Variants in CACHD1 observed in about 807,000 individuals in gnomAD.
CACHD1 encodes VWFA and cache domain-containing protein 1.
CACHD1 carries 71 observed loss-of-function variants against 138.7 expected under a neutral mutation model. The observed-to-expected ratio is 0.51, with a 90% CI of 0.42 to 0.62. CACHD1 has a LOEUF of 0.62. Among genes scored for constraint, CACHD1 ranks in the 20% least tolerant of loss-of-function variants. The pLI is 0.00. For synonymous variants in CACHD1, 578 were observed against 591.5 expected, an observed-to-expected ratio of 0.98 and a Z score of 0.33; for missense variants, 1,389 against 1,625.3, an observed-to-expected ratio of 0.85 and a Z score of 2.50.
intron 2 of CACHD1, among the ~76,000 whole-genome samples, chr1:64,576,996 T>G (rs951904533): frequency 6.6e-6 from 1 of 151,370 alleles, no homozygotes; most frequent in African/African-American, 2.4e-5. Context: ...TAGGGTGGAG[T>G]GCAGTGGCAC....
At chr1:64,553,202 C>T (rs1025821853) in intron 2 of CACHD1, among the ~76,000 whole-genome samples, 3 of 152,166 alleles carry the variant, frequency 2.0e-5, no homozygotes, top group Admixed American at 6.5e-5. Flanking sequence ...CTCATATTTA[C>T]GCATTTATTG....
intron 4 of CACHD1, among the ~76,000 whole-genome samples, chr1:64,622,883 A>T (rs1647966095): frequency 6.6e-6 from 1 of 152,212 alleles, no homozygotes; most frequent in Non-Finnish European, 1.5e-5. Context: ...AATAAACTTC[A>T]CATGTTTAAC....
intron 26 of CACHD1, among the ~76,000 whole-genome samples, chr1:64,690,153 C>T (rs192467801): frequency 1.4e-3 from 214 of 152,318 alleles, no homozygotes; most frequent in African/African-American, 4.9e-3. Flanking sequence ...ATATGTCTTC[C>T]AGTGCCCAAC....
intron 1 of CACHD1, among the ~76,000 whole-genome samples, chr1:64,497,133 G>A (rs935702818): frequency 6.6e-6 from 1 of 152,130 alleles, no homozygotes; most frequent in Admixed American, 6.5e-5. Flanking sequence ...AAAAGAGTGA[G>A]AAAGAGACAT....
intron 1 of CACHD1, among the ~76,000 whole-genome samples, chr1:64,546,438 G>A: frequency 6.6e-6 from 1 of 151,742 alleles, no homozygotes; most frequent in East Asian, 1.9e-4. Flanking sequence ...GGGCTCAAGT[G>A]ATCCTCCCAC....
intron 3 of CACHD1, among the ~76,000 whole-genome samples, chr1:64,590,068 G>A (rs1324407227): frequency 6.6e-6 from 1 of 152,138 alleles, no homozygotes; most frequent in East Asian, 1.9e-4. Flanking sequence ...AACACTTTGG[G>A]AGGCTGAGGT....
chr1:64,543,514 T>G (rs1288995355), intron 1 of CACHD1, among the ~76,000 whole-genome samples: 2 of 151,368 alleles, frequency 1.3e-5, no homozygotes, highest in African/African-American at 2.4e-5. Context: ...AATTCAAAGC[T>G]GCAGTGAGCT....
At chr1:64,471,022 C>A in intron 1 of CACHD1, 80 bp downstream of exon 1, 1 of 1,396,158 alleles carries the variant, frequency 7.2e-7, no homozygotes. Context: ...TACAAGTCCC[C>A]TGGACTGTGT....
chr1:64,643,687 A>G (rs1051161162), intron 8 of CACHD1, among the ~76,000 whole-genome samples: 1 of 152,130 alleles, frequency 6.6e-6, no homozygotes, highest in Non-Finnish European at 1.5e-5. Context: ...ATACAAAAAA[A>G]ATTAGCCAGG....
At chr1:64,498,226 T>G (rs1646316758) in intron 1 of CACHD1, among the ~76,000 whole-genome samples, 1 of 152,120 alleles carries the variant, frequency 6.6e-6, no homozygotes, top group Non-Finnish European at 1.5e-5. Context: ...AGAGAAGGCA[T>G]AGGGGACTCA....
intron 1 of CACHD1, among the ~76,000 whole-genome samples, chr1:64,484,291 G>A (rs537924412): frequency 6.6e-6 from 1 of 152,106 alleles, no homozygotes; most frequent in Non-Finnish European, 1.5e-5. Context: ...TTGGCAGAAG[G>A]AGGAGGAGCC....
rs371217866 is a variant in CACHD1 at position 64,663,904 on chromosome 1, G to A, written c.2094+67G>A. 8.6e-4 allele frequency: 1,377 copies of A among 1,597,368 alleles called. 24 individuals are homozygous for A. In the South Asian group the frequency reaches 8.6e-3, roughly 10 times the overall value. On this transcript the variant is annotated intron_variant, in intron 14 of 26. Transcript: ENST00000651257. ...ACAGGCCCAGCAGGGGGTGCTGGCA[G>A]TGAACCTTTGAAGTAGGAAACCCAG...
At chr1:64,507,177 AG>A (rs1318407642) in intron 1 of CACHD1, among the ~76,000 whole-genome samples, 2 of 152,228 alleles carry the variant, frequency 1.3e-5, no homozygotes, top group African/African-American at 4.8e-5. Context: ...GACTGACTTT[AG>A]GATCACAGCT....
rs377333899 is a variant in CACHD1 at position 64,570,533 on chromosome 1, G to C, written c.262-11623G>C. ...GCCTCTAAAGGAAGGTGTTAGCGGT[G>C]AATCCTGCAGCCAAACAGCCAATAG... is the stretch of plus-strand genomic sequence containing the variant. On this transcript the variant is annotated intron_variant, in intron 2 of 26. Coordinates refer to ENST00000651257, the MANE Select transcript of CACHD1 (RefSeq NM_020925.4). Among the ~76,000 whole-genome samples the C allele has an allele frequency of 2.0e-4, 31 of 152,236 alleles. 2 individuals carry two copies. The highest frequency in any genetic ancestry group is 7.5e-4 in the African/African-American group (31 of 41,554).
rs145797522 is a variant in CACHD1 at position 64,611,804 on chromosome 1, A to G, written c.517+8892A>G. Among the ~76,000 whole-genome samples, 335 of 152,256 alleles carry G rather than the reference A, an allele frequency of 2.2e-3. 6 individuals are homozygous for G. The highest frequency in any genetic ancestry group is 7.8e-3 in the African/African-American group (322 of 41,546). On this transcript the variant is annotated intron_variant, in intron 4 of 26. Transcript: ENST00000651257. The stretch of plus-strand genomic sequence containing the variant: ...GTCCCAAAGTCACTTCCACATTCTC[A>G]GGTATCTTTATAGCAGTGCCTCGCT...
At chr1:64,582,350 T>C in intron 3 of CACHD1, 46 bp downstream of exon 3, 1 of 1,516,462 alleles carries the variant, frequency 6.6e-7, no homozygotes, top group South Asian at 1.2e-5. Flanking sequence ...AGACATTGAA[T>C]TGCTTATACA....
chr1:64,671,718 A>T, intron 17 of CACHD1, 32 bp downstream of exon 17: 1 of 1,613,344 alleles, frequency 6.2e-7, no homozygotes, highest in South Asian at 1.1e-5. Context: ...TTTCCTTTCT[A>T]GCTGCAGTTT....
At chr1:64,627,714 G>A (rs1648160543) in intron 4 of CACHD1, among the ~76,000 whole-genome samples, 2 of 152,118 alleles carry the variant, frequency 1.3e-5, no homozygotes, top group African/African-American at 4.8e-5. Flanking sequence ...ACTTTTATTT[G>A]AGGCCGAGGG....
chr1:64,554,171 A>G (rs1045164880), intron 2 of CACHD1, among the ~76,000 whole-genome samples: 2 of 152,212 alleles, frequency 1.3e-5, no homozygotes, highest in Non-Finnish European at 2.9e-5. Flanking sequence ...AGTTGGGACT[A>G]CATGTACACC....
Sources: gnomAD v4.1 joint callset for allele counts (sites outside exome capture counted in the v4.1 genomes callset) on GRCh38, gnomAD v4.1.1 for gene constraint, MANE v1.5 for transcripts, NCBI Gene and HGNC (gene_info 2026-07-23, HGNC 2026-07-21) for gene names.